Variants in SLC15A1 observed in about 807,000 individuals in gnomAD.
The protein encoded by SLC15A1 is Caco-2 oligopeptide transporter.
Under a neutral mutation model 92.9 loss-of-function variants are expected in SLC15A1, and 83 were observed. The ratio of observed to expected loss-of-function variants is 0.89; its 90% CI spans 0.75 to 1.07. The LOEUF is 1.07. Among genes scored for constraint, SLC15A1 ranks in the 50% least tolerant of loss-of-function variants. The probability of loss-of-function intolerance (pLI) is 0.00; values close to 1 mark genes in which losing one functional copy is unlikely to be tolerated. For synonymous variants in SLC15A1, 322 were observed against 318.2 expected (o/e 1.01, Z -0.13); for missense variants, 857 against 880.1 (o/e 0.97, Z 0.33).
rs533039704 is a variant in SLC15A1 at position 98,752,460 on chromosome 13, G to C, written c.4+135C>G. ...GATCCCGGGCGCCCCGCAACCTCCC[G>C]GCCCCCGTGGGCCTTCGGGTCGCCC... On this transcript the variant is annotated intron_variant, in intron 1 of 22. Transcript: ENST00000376503. 218 of 832,686 alleles carry C rather than the reference G, an allele frequency of 2.6e-4. No individual in the cohort carries two copies. The African/African-American group carries it at 3.6e-3, about 14-fold the overall frequency. 51.6% of individuals were successfully genotyped at this position (832,686 alleles called of 1,614,324 possible). A position where few individuals can be genotyped will look rare whatever the true frequency, so the allele number is the denominator to read the frequency against.
intron 9 of SLC15A1, among the ~76,000 whole-genome samples, chr13:98,714,794 T>A (rs1312113308): frequency 1.3e-5 from 2 of 151,624 alleles, no homozygotes; most frequent in Admixed American, 6.6e-5. Context: ...TTTTTTTTAA[T>A]AAATGACACA....
chr13:98,709,456 T>C, intron 14 of SLC15A1, 116 bp downstream of exon 14: 1 of 741,538 alleles, frequency 1.3e-6, no homozygotes, highest in South Asian at 1.7e-5. Context: ...TTCTTCATTC[T>C]TCAAAACCCT....
intron 18 of SLC15A1, among the ~76,000 whole-genome samples, chr13:98,698,118 G>A (rs190307368): frequency 2.0e-5 from 3 of 152,292 alleles, no homozygotes; most frequent in East Asian, 1.9e-4. Flanking sequence ...GATGGGCACC[G>A]CTGAGCAATT....
intron 1 of SLC15A1, among the ~76,000 whole-genome samples, chr13:98,740,167 G>A (rs1238046140): frequency 6.6e-6 from 1 of 152,230 alleles, no homozygotes; most frequent in Non-Finnish European, 1.5e-5. Flanking sequence ...TTGCTATAGT[G>A]TGCACCAGGC....
In SLC15A1 at chr13:98,721,343, G is replaced by A. The variant is rs542860305; in HGVS notation, c.556+152C>T. 739 of 718,474 alleles carry A rather than the reference G, an allele frequency of 1.0e-3. 4 individuals carry two copies. Among genetic ancestry groups the A allele is most frequent in the Admixed American group, 1.5e-3 (76 of 49,920 alleles). 44.5% of individuals were successfully genotyped at this position (718,474 alleles called of 1,614,324 possible). A position where few individuals can be genotyped will look rare whatever the true frequency, so the allele number is the denominator to read the frequency against. On this transcript the variant is annotated intron_variant, in intron 7 of 22. Transcript: ENST00000376503. ...AAAGGAGGTGAAACTCACAGGGAAGGAAGCACTTACTCCAGATTCCAACGT... is the reference window on the plus strand; with the variant it reads ...AAAGGAGGTGAAACTCACAGGGAAGAAAGCACTTACTCCAGATTCCAACGT...
At chr13:98,688,644 G>T in intron 18 of SLC15A1, 67 bp from the exon 19 acceptor site, 1 of 1,170,552 alleles carries the variant, frequency 8.5e-7, no homozygotes, top group Non-Finnish European at 1.3e-6. Context: ...CACAGTACAT[G>T]CACCTGAAGT....
chr13:98,726,523 G>GCA (rs2088303104), intron 2 of SLC15A1, 74 bp from the exon 3 acceptor site: 1 of 1,353,768 alleles, frequency 7.4e-7, no homozygotes, highest in Admixed American at 1.8e-5. Flanking sequence ...AGCACCAGTG[G>GCA]CATGAAAGGC....
intron 1 of SLC15A1, 138 bp downstream of exon 1, chr13:98,752,457 C>T (rs1221929974): frequency 1.2e-6 from 1 of 827,858 alleles, no homozygotes; most frequent in Non-Finnish European, 1.6e-6. Context: ...CCCGCAACCT[C>T]CCGGCCCCCG....
Position 98,687,660 on chromosome 13 carries a change from A to G in SLC15A1, c.1748T>C (p.Leu583Pro). 1 of 1,614,196 alleles carries G rather than the reference A, an allele frequency of 6.2e-7. No homozygotes were observed. The highest frequency in any genetic ancestry group is 1.1e-5 in the South Asian group (1 of 91,092). ...GAGAAGAAAATACTGCGGGATTTGC[A>G]GAGCCATGTTAACTGTGTTGGCTGA... Reference protein sequence around the residue: ...DISANTVNMALQIPQYFLLTC... With the variant: ...DISANTVNMAPQIPQYFLLTC... Residue 583 changes from leucine to proline, a missense_variant, in exon 21 of 23, where the codon CTG becomes CCG. By Grantham distance (98) the Leu-to-Pro change is moderately conservative. Transcript: ENST00000376503.
At chr13:98,710,888 A>T (rs1045385117) in intron 11 of SLC15A1, among the ~76,000 whole-genome samples, 16 of 149,060 alleles carry the variant, frequency 1.1e-4, no homozygotes, top group Non-Finnish European at 3.0e-5. Flanking sequence ...TACCTTATGG[A>T]TGTTCTCACA....
At chr13:98,703,178 A>AAGGGAGGG (rs1180852006) in intron 17 of SLC15A1, among the ~76,000 whole-genome samples, 1 of 129,572 alleles carries the variant, frequency 7.7e-6, no homozygotes, top group Non-Finnish European at 1.6e-5. Context: ...GGAAGGAAGG[A>AAGGGAGGG]AGGGAGGGAG....
chr13:98,725,297 C>T (rs937427324), intron 4 of SLC15A1, among the ~76,000 whole-genome samples: 4 of 152,320 alleles, frequency 2.6e-5, no homozygotes, highest in Non-Finnish European at 5.9e-5. Context: ...AGACAGCCCA[C>T]GTCATTCCTT....
At chr13:98,705,840 A>G (rs1215642628) in intron 16 of SLC15A1, among the ~76,000 whole-genome samples, 1 of 151,588 alleles carries the variant, frequency 6.6e-6, no homozygotes, top group Admixed American at 6.6e-5. Flanking sequence ...GGCTGCAGTT[A>G]GCCAAGATTT....
chr13:98,695,165 C>T (rs2088012112), intron 18 of SLC15A1, among the ~76,000 whole-genome samples: 1 of 151,936 alleles, frequency 6.6e-6, no homozygotes, highest in Admixed American at 6.6e-5. Flanking sequence ...ATGTGCTTAA[C>T]AACGTGTTGT....
chr13:98,707,809 C>T (rs144402272), intron 15 of SLC15A1, among the ~76,000 whole-genome samples: 94 of 145,558 alleles, frequency 6.5e-4, no homozygotes, highest in Middle Eastern at 7.2e-3. Context: ...GTGGGAGGAT[C>T]GCTTGAGCCC....
rs1311728281 is a variant in SLC15A1, at chr13:98,688,163, A to G, written c.1683+85T>C. 4 of 893,806 alleles carry G rather than the reference A, an allele frequency of 4.5e-6. No homozygotes were observed. In the African/African-American group the frequency reaches 6.7e-5, roughly 15 times the overall value. 55.4% of individuals were successfully genotyped at this position (893,806 alleles called of 1,614,324 possible). A position where few individuals can be genotyped will look rare whatever the true frequency, so the allele number is the denominator to read the frequency against. ...CAGATCCTAATATCACTCTAGTTAA[A>G]TCATATTATGTCCTAAGTGTTTGTG... On this transcript the variant is annotated intron_variant, in intron 20 of 22. Transcript: ENST00000376503.
rs2087910801 is a variant in SLC15A1 at position 98,684,194 on chromosome 13, T to C, written c.*530A>G. On this transcript the variant is annotated 3_prime_UTR_variant, in exon 23 of 23. Transcript: ENST00000376503. ...ACAGTGTGTGTACGTGTGGCTTAAA[T>C]AAGCCTTTCAAACAGAAGACTTCTT... is the stretch of plus-strand genomic sequence containing the variant. The C allele has an allele frequency of 6.5e-6, 1 of 154,354 alleles. No homozygotes were observed. Among genetic ancestry groups the C allele is most frequent in the Non-Finnish European group, 1.4e-5 (1 of 69,448 alleles). The allele number at this position is 154,354 out of a possible 1,614,324, so 9.6% of individuals were successfully genotyped here.
At chr13:98,688,885 C>T (rs1435152184) in intron 18 of SLC15A1, among the ~76,000 whole-genome samples, 2 of 152,184 alleles carry the variant, frequency 1.3e-5, no homozygotes, top group South Asian at 2.1e-4. Context: ...GAAGTAGATA[C>T]TGAGCCTCTT....
intron 1 of SLC15A1, among the ~76,000 whole-genome samples, chr13:98,732,425 T>A (rs1330838310): frequency 6.6e-6 from 1 of 152,090 alleles, no homozygotes; most frequent in Admixed American, 6.5e-5. Flanking sequence ...ATGAAATAAG[T>A]GTATATTATA....
Sources: allele counts gnomAD v4.1 joint callset (sites outside exome capture counted in the v4.1 genomes callset), GRCh38; gene constraint gnomAD v4.1.1; transcripts MANE v1.5; gene names NCBI Gene and HGNC (gene_info 2026-07-23, HGNC 2026-07-21).